Variants in SNX3 observed in about 807,000 individuals in gnomAD.
SNX3 encodes the protein sorting nexin 3.
In SNX3, 5 loss-of-function variants were observed where a neutral mutation model predicts 17.7. The ratio of observed to expected loss-of-function variants is 0.28; its 90% CI spans 0.15 to 0.59. SNX3 has a LOEUF of 0.59. Among genes scored for constraint, SNX3 ranks in the 20% least tolerant of loss-of-function variants. The pLI is 0.88. For synonymous variants in SNX3, 91 were observed against 76.5 expected (o/e 1.19, Z -0.99); for missense variants, 132 against 206.8 (o/e 0.64, Z 2.22).
At position 108,220,976 on chromosome 6, in the gene SNX3, A is replaced by C. The variant is rs182103383; in HGVS notation, c.258+1974T>G. ...AGAGTGAGGCTCAGTCTCAAAAAAA[A>C]AAAAGATGTTTTGATGTCTGGTAGA... On this transcript the variant is annotated intron_variant, in intron 2 of 3. Transcript: ENST00000230085. Among the ~76,000 whole-genome samples, 480 of 152,216 alleles carry C rather than the reference A, an allele frequency of 3.2e-3. 7 individuals carry two copies. Among genetic ancestry groups the C allele is most frequent in the South Asian group, 8.3e-4 (4 of 4,824 alleles).
chr6:108,249,832 G>A (rs1245768854), intron 1 of SNX3, among the ~76,000 whole-genome samples: 2 of 152,154 alleles, frequency 1.3e-5, no homozygotes, highest in South Asian at 2.1e-4. Flanking sequence ...TTTGATGAAT[G>A]TGCAGTGTTA....
chr6:108,226,046 CAAAAA>C lies in SNX3; in HGVS notation c.163-3006_163-3002del, dbSNP rs35559458. On this transcript the variant is annotated intron_variant, in intron 1 of 3. Transcript: ENST00000230085. ...GGGCAACAAATGAGACCCTCTCTCTCAAAAAAAAAAAAAAAAAAAAAAAGGAGAAG... is the reference window on the plus strand; with the variant it reads ...GGGCAACAAATGAGACCCTCTCTCTCAAAAAAAAAAAAAAAAAAGGAGAAG... Among the ~76,000 whole-genome samples the C allele has an allele frequency of 4.7e-5, 3 of 63,238 alleles. No homozygotes were observed. The East Asian group carries it at 1.6e-3, about 33-fold the overall frequency. The allele number at this position is 63,238 out of a possible 152,430, so 41.5% of individuals were successfully genotyped here. A position where few individuals can be genotyped will look rare whatever the true frequency, so the allele number is the denominator to read the frequency against.
chr6:108,260,910 G>C lies in SNX3; in HGVS notation c.12C>G (p.Thr4=), dbSNP rs11537584. 2 of 1,596,050 alleles carry C rather than the reference G, an allele frequency of 1.3e-6. No homozygotes were observed. The highest frequency in any genetic ancestry group is 1.7e-6 in the Non-Finnish European group (2 of 1,170,980). Residue 4 remains threonine, a synonymous_variant, in exon 1 of 4, where the codon ACC becomes ACG. Coordinates refer to ENST00000230085, the MANE Select transcript of SNX3 (RefSeq NM_003795.6). The stretch of plus-strand genomic sequence containing the variant: ...TGATCAGCCGCCGGGTGTCAGCCAC[G>C]GTCTCCGCCATTTCGCTGTAGCTGC... MAE[T]VADTRRLITK...
chr6:108,255,258 T>C (rs959784767), intron 1 of SNX3, among the ~76,000 whole-genome samples: 5 of 152,218 alleles, frequency 3.3e-5, no homozygotes, highest in Non-Finnish European at 7.3e-5. Context: ...GGCAGCAACA[T>C]GTGTAACAGA....
At chr6:108,237,432 TAGC>T (rs1444483594) in intron 1 of SNX3, among the ~76,000 whole-genome samples, 38 of 152,172 alleles carry the variant, frequency 2.5e-4, no homozygotes, top group Non-Finnish European at 3.2e-4. Flanking sequence ...GGCAGCTCAT[TAGC>T]CATTAAAATG....
chr6:108,217,992 G>A (rs540487329), intron 2 of SNX3, among the ~76,000 whole-genome samples: 37 of 152,216 alleles, frequency 2.4e-4, no homozygotes, highest in African/African-American at 8.7e-4. Flanking sequence ...ATTGTTCTTT[G>A]CAATACTGTA....
chr6:108,225,125 C>CA lies in SNX3; in HGVS notation c.163-2081dup, dbSNP rs1297233848. 5.3e-5 allele frequency among the ~76,000 whole-genome samples: 8 copies of CA among 151,860 alleles called. No individual in the cohort carries two copies. The South Asian group carries it at 1.2e-3, about 24-fold the overall frequency. ...TGAAACCTCGTTTCTACTAAAAATA[C>CA]AAAAAAACCAGCCAGACGTAGTGGC... On this transcript the variant is annotated intron_variant, in intron 1 of 3. Coordinates refer to ENST00000230085, the MANE Select transcript of SNX3 (RefSeq NM_003795.6).
intron 1 of SNX3, among the ~76,000 whole-genome samples, chr6:108,244,241 G>C (rs184816136): frequency 2.0e-3 from 307 of 151,872 alleles, no homozygotes; most frequent in African/African-American, 7.1e-3. Context: ...CTGCAACCTC[G>C]ACCTCCTGGG....
intron 1 of SNX3, among the ~76,000 whole-genome samples, chr6:108,225,058 G>A (rs554427647): frequency 3.3e-5 from 5 of 152,134 alleles, no homozygotes; most frequent in South Asian, 2.1e-4. Flanking sequence ...TGAGGCGGGC[G>A]GATCACGAGG....
intron 1 of SNX3, among the ~76,000 whole-genome samples, chr6:108,232,017 T>C (rs1308126865): frequency 6.6e-6 from 1 of 152,242 alleles, no homozygotes; most frequent in East Asian, 1.9e-4. Flanking sequence ...GCTGGGTATC[T>C]TGCTTTTCAT....
At chr6:108,223,094 C>CA (rs764507089) in intron 1 of SNX3, 49 bp from the exon 2 acceptor site, 8 of 971,822 alleles carry the variant, frequency 8.2e-6, no homozygotes, top group Admixed American at 4.5e-5. Context: ...AAGGAAACTT[C>CA]AAAAAAATGG....
chr6:108,231,169 A>G (rs1775138793), intron 1 of SNX3, among the ~76,000 whole-genome samples: 2 of 151,122 alleles, frequency 1.3e-5, no homozygotes, highest in African/African-American at 4.9e-5. Flanking sequence ...CAATGGCGCG[A>G]TGTCGGCTCA....
intron 1 of SNX3, among the ~76,000 whole-genome samples, chr6:108,240,906 G>A (rs565849593): frequency 6.6e-6 from 1 of 152,126 alleles, no homozygotes; most frequent in East Asian, 1.9e-4. Flanking sequence ...ACTTTGGGAG[G>A]CTGAGGCGGG....
intron 1 of SNX3, among the ~76,000 whole-genome samples, chr6:108,233,415 T>C (rs768828120): frequency 6.6e-5 from 10 of 152,182 alleles, no homozygotes; most frequent in African/African-American, 1.4e-4. Context: ...ACTTGTCCAA[T>C]CCTAAGAAAC....
chr6:108,224,560 G>T (rs1208631339), intron 1 of SNX3, among the ~76,000 whole-genome samples: 7 of 152,106 alleles, frequency 4.6e-5, no homozygotes, highest in Non-Finnish European at 1.0e-4. Context: ...GATTACAGGC[G>T]TGAGCCACCA....
chr6:108,233,805 A>G (rs942795488), intron 1 of SNX3, among the ~76,000 whole-genome samples: 1 of 152,230 alleles, frequency 6.6e-6, no homozygotes, highest in Non-Finnish European at 1.5e-5. Context: ...ACAATCACCA[A>G]GTAATTCTGG....
chr6:108,236,406 C>T (rs1292018831), intron 1 of SNX3, among the ~76,000 whole-genome samples: 12 of 133,550 alleles, frequency 9.0e-5, no homozygotes, highest in South Asian at 2.3e-4. Flanking sequence ...TTTTTTGAGA[C>T]GGAGTCTCGC....
At chr6:108,253,386 CAT>C (rs1013763776) in intron 1 of SNX3, among the ~76,000 whole-genome samples, 4 of 146,156 alleles carry the variant, frequency 2.7e-5, no homozygotes, top group Non-Finnish European at 3.0e-5. Flanking sequence ...TAAATGAATA[CAT>C]ATGTCTTTTT....
chr6:108,244,503 A>G (rs1189924716), intron 1 of SNX3, among the ~76,000 whole-genome samples: 1 of 152,130 alleles, frequency 6.6e-6, no homozygotes, highest in African/African-American at 2.4e-5. Context: ...AAATATACAT[A>G]ATATAAAATT....
Sources: allele counts gnomAD v4.1 joint callset (sites outside exome capture counted in the v4.1 genomes callset), GRCh38; gene constraint gnomAD v4.1.1; transcripts MANE v1.5; gene names NCBI Gene and HGNC (gene_info 2026-07-23, HGNC 2026-07-21).